Variants in CTCFL observed in about 807,000 individuals in gnomAD.
CTCFL encodes the protein CCCTC-binding factor like, also known as transcriptional repressor CTCFL.
Under a neutral mutation model 67.4 loss-of-function variants are expected in CTCFL, and 36 were observed. The observed-to-expected ratio is 0.53, with a 90% CI of 0.41 to 0.71. CTCFL has a LOEUF of 0.71. CTCFL is among the 30% of genes least tolerant of loss of function. The probability of loss-of-function intolerance (pLI) is 0.00; values close to 1 mark genes in which losing one functional copy is unlikely to be tolerated. For synonymous variants in CTCFL, 324 were observed against 302.3 expected, an observed-to-expected ratio of 1.07 and a Z score of -0.75; for missense variants, 786 against 835.2, an observed-to-expected ratio of 0.94 and a Z score of 0.73.
chr20:57,511,738 T>C (rs1196021214), intron 8 of CTCFL, among the ~76,000 whole-genome samples: 1 of 152,002 alleles, frequency 6.6e-6, no homozygotes, highest in Admixed American at 6.6e-5. Context: ...ACTACAGGCG[T>C]GTGCCACCAC....
At chr20:57,519,680 T>C (rs1411101773) in intron 3 of CTCFL, among the ~76,000 whole-genome samples, 1 of 152,196 alleles carries the variant, frequency 6.6e-6, no homozygotes, top group Non-Finnish European at 1.5e-5. Flanking sequence ...CATTTCAGAA[T>C]GTCTTGTAGA....
At chr20:57,496,734 A>T (rs967774376), downstream of CTCFL, among the ~76,000 whole-genome samples, 1 of 152,236 alleles carries the variant, frequency 6.6e-6, no homozygotes, top group Non-Finnish European at 1.5e-5. Context: ...TTCACTCAGC[A>T]TAACGTCCTC....
chr20:57,498,497 C>G lies in CTCFL; in HGVS notation c.*53G>C. Reference sequence around the variant, plus strand: ...CATTTCACACCTTAAATGCTAAAAACTTCTAACTTGCTTTAGGAATTGGGG... The same window carrying G: ...CATTTCACACCTTAAATGCTAAAAAGTTCTAACTTGCTTTAGGAATTGGGG... On this transcript the variant is annotated 3_prime_UTR_variant, in exon 11 of 11. Transcript: ENST00000243914. 1.3e-6 allele frequency: 2 copies of G among 1,577,860 alleles called. No individual in the cohort carries two copies. The highest frequency in any genetic ancestry group is 2.3e-5 in the South Asian group (2 of 85,628).
intron 2 of CTCFL, 116 bp downstream of exon 2, chr20:57,523,547 T>G (rs2069561100): frequency 7.2e-7 from 1 of 1,393,386 alleles, no homozygotes; most frequent in Non-Finnish European, 9.6e-7. Flanking sequence ...GGGAAGTATT[T>G]GTACTGTCTT....
chr20:57,524,738 G>T, intron 1 of CTCFL: 3 of 989,724 alleles, frequency 3.0e-6, no homozygotes, highest in Non-Finnish European at 3.6e-6. Flanking sequence ...CACGGTTCTA[G>T]ACCTAGCACC....
intron 10 of CTCFL, chr20:57,500,085 ATTTTTTT>A (rs3068009): frequency 2.2e-6 from 2 of 922,844 alleles, no homozygotes; most frequent in African/African-American, 2.2e-5. Flanking sequence ...TCCTTGAAGT[ATTTTTTT>A]TTTTTTTTTT....
chr20:57,525,542 G>A (rs546631811), upstream of CTCFL: 480 of 128,082 alleles, frequency 3.7e-3, 3 homozygotes, highest in Middle Eastern at 0.013. Context: ...CGGGGGGGAA[G>A]TAAGGAGGGC....
downstream of CTCFL, among the ~76,000 whole-genome samples, chr20:57,496,758 G>A (rs535086282): frequency 7.2e-5 from 11 of 152,304 alleles, no homozygotes; most frequent in South Asian, 2.1e-3. Context: ...GTTCCCCCAT[G>A]TTGTAGCATG....
intron 1 of CTCFL, chr20:57,524,643 G>T: frequency 9.9e-7 from 1 of 1,006,064 alleles, no homozygotes; most frequent in Non-Finnish European, 1.2e-6. Flanking sequence ...CCTGGGCCTA[G>T]CAAGTTTCAG....
In CTCFL at chr20:57,498,686, T is replaced by A. The variant is rs770880883; in HGVS notation, c.1856A>T (p.Glu619Val). Residue 619 changes from glutamate to valine, a missense_variant, in exon 11 of 11, where the codon GAG becomes GTG. Physicochemically the swap from Glu to Val is moderately radical, Grantham distance 121 (BLOSUM62 -2). Transcript: ENST00000243914. ...CTGTTCTCCCTTCGTGGTGGAAGCC[T>A]CCTCAGCAGCAGCTTCTTGAGAAAA... ...AANGDEAAAEEASTTKGEQFP... is the reference protein window; with the variant it reads ...AANGDEAAAEVASTTKGEQFP... 2 of 1,612,278 alleles carry A rather than the reference T, an allele frequency of 1.2e-6. No homozygotes were observed. The highest frequency in any genetic ancestry group is 1.7e-6 in the Non-Finnish European group (2 of 1,179,350).
At chr20:57,510,976 G>C (rs1379252463) in intron 8 of CTCFL, among the ~76,000 whole-genome samples, 3 of 152,226 alleles carry the variant, frequency 2.0e-5, no homozygotes, top group Non-Finnish European at 2.9e-5. Flanking sequence ...TTTGAAAAGA[G>C]AGCAACATTT....
chr20:57,523,940 G>A lies in CTCFL; in HGVS notation c.266C>T (p.Ser89Phe), dbSNP rs749470028. ...CATATCCTGCAACTCCACAGCTTCAGAAGTGAAGTGCACCGTCTGCAGGGT... is the reference window on the plus strand; with the variant it reads ...CATATCCTGCAACTCCACAGCTTCAAAAGTGAAGTGCACCGTCTGCAGGGT... ...ILTLQTVHFT[S>F]EAVELQDMSL... Residue 89 changes from serine to phenylalanine, a missense_variant, in exon 2 of 11, where the codon TCT becomes TTT. This residue lies in a region of CTCFL where 333 missense variants were observed against 304.6 expected (regional missense o/e 1.09). Transcript: ENST00000243914. The A allele has an allele frequency of 6.2e-7, 1 of 1,613,116 alleles. No individual in the cohort carries two copies. The highest frequency in any genetic ancestry group is 8.5e-7 in the Non-Finnish European group (1 of 1,180,018).
intron 3 of CTCFL, among the ~76,000 whole-genome samples, 177 bp from the exon 4 acceptor site, chr20:57,519,554 A>G (rs373188235): frequency 4.6e-5 from 7 of 152,240 alleles, no homozygotes; most frequent in African/African-American, 1.7e-4. Flanking sequence ...GATAATGAAC[A>G]ATGCATTTTC....
Position 57,523,959 on chromosome 20 carries a change from G to C in CTCFL, c.247C>G (p.Gln83Glu). The change falls in exon 2 of 11, where the codon CAG (glutamine) becomes GAG (glutamate). Residue 83 changes from glutamine to glutamate, a missense_variant. Transcript: ENST00000243914. ...GCTTCAGAAGTGAAGTGCACCGTCT[G>C]CAGGGTCAGGATGTACTTCTCGCTC... Reference protein sequence around the residue: ...EESEKYILTLQTVHFTSEAVE... With the variant: ...EESEKYILTLETVHFTSEAVE... 1.9e-6 allele frequency: 3 copies of C among 1,613,128 alleles called. No individual in the cohort carries two copies. The highest frequency in any genetic ancestry group is 2.5e-6 in the Non-Finnish European group (3 of 1,180,020).
chr20:57,498,763 CTG>C lies in CTCFL; in HGVS notation c.1841-64_1841-63del, dbSNP rs2067769996. Reference sequence around the variant, plus strand: ...AAGCTAAGGAATTGGAATTTATAAACTGTGCAAATATATTTTGGAAACCATCA... The same window carrying C: ...AAGCTAAGGAATTGGAATTTATAAACTGCAAATATATTTTGGAAACCATCA... On this transcript the variant is annotated intron_variant, in intron 10 of 10. Transcript: ENST00000243914. The C allele has an allele frequency of 9.5e-6, 14 of 1,475,962 alleles. No individual in the cohort carries two copies. In the South Asian group the frequency reaches 1.3e-4, roughly 14 times the overall value. The allele number at this position is 1,475,962 out of a possible 1,614,324, so 91.4% of individuals were successfully genotyped here. A position where few individuals can be genotyped will look rare whatever the true frequency, so the allele number is the denominator to read the frequency against.
chr20:57,500,085 A>ATTTTT (rs3068009), intron 10 of CTCFL: 61,869 of 873,238 alleles, frequency 0.071, 7 homozygotes, highest in Middle Eastern at 0.085. Flanking sequence ...TCCTTGAAGT[A>ATTTTT]TTTTTTTTTT....
At chr20:57,522,328 A>C (rs1233601338) in intron 3 of CTCFL, among the ~76,000 whole-genome samples, 1 of 152,242 alleles carries the variant, frequency 6.6e-6, no homozygotes, top group Admixed American at 6.5e-5. Flanking sequence ...CTAGAAATTG[A>C]AATTTTGGGG....
intron 9 of CTCFL, chr20:57,507,931 CTT>C: frequency 1.6e-6 from 1 of 609,754 alleles, no homozygotes; most frequent in Non-Finnish European, 3.0e-6. Flanking sequence ...CAGCACTATT[CTT>C]TTTTTTTTAA....
chr20:57,508,383 CTTT>C (rs369554819), intron 9 of CTCFL, among the ~76,000 whole-genome samples: 3 of 140,520 alleles, frequency 2.1e-5, no homozygotes, highest in Admixed American at 7.1e-5. Flanking sequence ...TTGGATTGTC[CTTT>C]TTTTTTTTTT....
Sources: gnomAD v4.1 joint callset for allele counts (sites outside exome capture counted in the v4.1 genomes callset) on GRCh38, gnomAD v4.1.1 for gene constraint, gnomAD v4.1.1 regional missense constraint, MANE v1.5 for transcripts, NCBI Gene and HGNC (gene_info 2026-07-23, HGNC 2026-07-21) for gene names.